Variants in SLAIN2 observed in about 807,000 individuals in gnomAD.
SLAIN2 encodes the protein SLAIN family member 2, also known as SLAIN motif-containing protein 2.
In SLAIN2, 31 loss-of-function variants were observed where a neutral mutation model predicts 56.6. The observed-to-expected ratio is 0.55, with a 90% confidence interval of 0.41 to 0.74. The LOEUF (loss-of-function observed/expected upper bound fraction) is 0.74, where lower values mean the gene tolerates loss of function less well. Ranked by LOEUF, SLAIN2 falls within the 30% of genes least tolerant of loss-of-function variation. The probability of loss-of-function intolerance (pLI) is 0.00; values close to 1 mark genes in which losing one functional copy is unlikely to be tolerated. For synonymous variants in SLAIN2, 317 were observed against 284.9 expected (o/e 1.11, Z -1.13); for missense variants, 777 against 754.2 (o/e 1.03, Z -0.35).
At chr4:48,403,159 C>A (rs1054460068) in intron 6 of SLAIN2, among the ~76,000 whole-genome samples, 34 of 152,212 alleles carry the variant, frequency 2.2e-4, no homozygotes, top group African/African-American at 8.0e-4. Context: ...TATCTGGAGA[C>A]CCCTGTTGGG....
rs913059046 is a variant in SLAIN2, at chr4:48,425,967, TA to T, written c.*3897del. The T allele has an allele frequency of 6.6e-6, 1 of 152,100 alleles. No homozygotes were observed. Among genetic ancestry groups the T allele is most frequent in the African/African-American group, 2.4e-5 (1 of 41,440 alleles). 9.4% of individuals were successfully genotyped at this position (152,100 alleles called of 1,614,324 possible). A position where few individuals can be genotyped will look rare whatever the true frequency, so the allele number is the denominator to read the frequency against. On this transcript the variant is annotated 3_prime_UTR_variant, in exon 8 of 8. Transcript: ENST00000264313. ...CTTAATGTTTTCTCTTTAAAAGAAATAAAAAAATCTGTTTCTTCTGATTTCG... is the reference window on the plus strand; with the variant it reads ...CTTAATGTTTTCTCTTTAAAAGAAATAAAAAATCTGTTTCTTCTGATTTCG...
intron 1 of SLAIN2, among the ~76,000 whole-genome samples, chr4:48,366,379 T>C (rs1483446647): frequency 5.3e-5 from 8 of 152,216 alleles, no homozygotes; most frequent in Non-Finnish European, 1.0e-4. Flanking sequence ...GTCCATGTAG[T>C]TCTTTTTTCA....
chr4:48,409,783 C>G (rs902916609), intron 6 of SLAIN2, among the ~76,000 whole-genome samples: 2 of 152,112 alleles, frequency 1.3e-5, no homozygotes, highest in Non-Finnish European at 2.9e-5. Flanking sequence ...ACCCGGAAGG[C>G]TGAGGTAGGA....
At chr4:48,350,685 C>T (rs1369033649) in intron 1 of SLAIN2, among the ~76,000 whole-genome samples, 1 of 152,024 alleles carries the variant, frequency 6.6e-6, no homozygotes, top group Non-Finnish European at 1.5e-5. Context: ...CTTTTGGGAT[C>T]GAAGTTATGG....
chr4:48,374,055 G>A (rs1322401501), intron 2 of SLAIN2, among the ~76,000 whole-genome samples: 4 of 152,070 alleles, frequency 2.6e-5, no homozygotes, highest in African/African-American at 9.7e-5. Context: ...AGGAGATGGA[G>A]TAGAGCATTC....
At chr4:48,390,170 G>T (rs1451111668) in intron 6 of SLAIN2, among the ~76,000 whole-genome samples, 1 of 151,256 alleles carries the variant, frequency 6.6e-6, no homozygotes, top group African/African-American at 2.4e-5. Context: ...CACCTCCCAG[G>T]TTCCAGCAAT....
intron 1 of SLAIN2, among the ~76,000 whole-genome samples, chr4:48,354,739 C>T (rs1303858080): frequency 6.6e-6 from 1 of 152,116 alleles, no homozygotes; most frequent in East Asian, 1.9e-4. Flanking sequence ...GCTGGGATTA[C>T]AGGCATGAAC....
intron 2 of SLAIN2, among the ~76,000 whole-genome samples, chr4:48,371,553 A>G (rs185256744): frequency 2.2e-4 from 34 of 152,156 alleles, no homozygotes; most frequent in African/African-American, 8.2e-4. Context: ...TTTTCTGACC[A>G]ATTTCTGGCA....
At chr4:48,416,626 C>T (rs1471438768) in intron 6 of SLAIN2, among the ~76,000 whole-genome samples, 2 of 151,402 alleles carry the variant, frequency 1.3e-5, no homozygotes, top group African/African-American at 4.8e-5. Context: ...AGAGGGCATC[C>T]CTGTCTTGTG....
chr4:48,376,639 T>TG (rs1715820921), intron 2 of SLAIN2, among the ~76,000 whole-genome samples: 1 of 102,392 alleles, frequency 9.8e-6, no homozygotes, highest in African/African-American at 4.1e-5. Flanking sequence ...TTTTTTTTTT[T>TG]GAGACGGAGT....
At chr4:48,364,477 G>A (rs1715451434) in intron 1 of SLAIN2, among the ~76,000 whole-genome samples, 3 of 56,296 alleles carry the variant, frequency 5.3e-5, no homozygotes, top group South Asian at 8.1e-4. Context: ...ACGGGGTGGC[G>A]GCCGGGCAGA....
At chr4:48,393,540 C>T (rs1331455208) in intron 6 of SLAIN2, among the ~76,000 whole-genome samples, 2 of 152,154 alleles carry the variant, frequency 1.3e-5, no homozygotes, top group East Asian at 1.9e-4. Flanking sequence ...TGAACCACCT[C>T]ACTTGGCCAA....
intron 6 of SLAIN2, among the ~76,000 whole-genome samples, chr4:48,405,904 G>A (rs578149402): frequency 6.6e-5 from 10 of 152,068 alleles, no homozygotes; most frequent in African/African-American, 2.2e-4. Context: ...AAATGGCAAC[G>A]TGGCACCTTC....
chr4:48,409,246 A>G (rs978716711), intron 6 of SLAIN2, among the ~76,000 whole-genome samples: 2 of 152,176 alleles, frequency 1.3e-5, no homozygotes, highest in Non-Finnish European at 2.9e-5. Context: ...ATTGTTGACT[A>G]TAGTCACCTG....
chr4:48,375,777 A>G (rs1715794992), intron 2 of SLAIN2, among the ~76,000 whole-genome samples: 2 of 152,252 alleles, frequency 1.3e-5, no homozygotes. Context: ...CCTGTGCTTT[A>G]TCACACTTAC....
intron 4 of SLAIN2, among the ~76,000 whole-genome samples, chr4:48,381,705 T>C (rs1715976870): frequency 6.6e-6 from 1 of 152,240 alleles, no homozygotes; most frequent in Admixed American, 6.5e-5. Context: ...GATAGCACTT[T>C]CTGTGTGTGA....
At chr4:48,348,881 T>C (rs1714939802) in intron 1 of SLAIN2, among the ~76,000 whole-genome samples, 1 of 152,170 alleles carries the variant, frequency 6.6e-6, no homozygotes, top group South Asian at 2.1e-4. Flanking sequence ...TTAGAAGTCA[T>C]TATCTTGCCT....
intron 1 of SLAIN2, among the ~76,000 whole-genome samples, chr4:48,354,719 C>T (rs555629248): frequency 1.3e-5 from 2 of 152,256 alleles, no homozygotes; most frequent in Non-Finnish European, 2.9e-5. Context: ...CTACCTCGGC[C>T]TCCCAGAGTG....
intron 6 of SLAIN2, among the ~76,000 whole-genome samples, chr4:48,403,979 A>G (rs545973802): frequency 6.6e-6 from 1 of 152,270 alleles, no homozygotes; most frequent in Admixed American, 6.5e-5. Flanking sequence ...GGGTTGCACA[A>G]TCACTCACCA....
Sources: allele counts gnomAD v4.1 joint callset (sites outside exome capture counted in the v4.1 genomes callset), GRCh38; gene constraint gnomAD v4.1.1; transcripts MANE v1.5; gene names NCBI Gene and HGNC (gene_info 2026-07-23, HGNC 2026-07-21).